The following ANTXR2 variants were observed in gnomAD, a reference collection of about 807,000 sequenced individuals.
ANTXR2 encodes anthrax toxin receptor 2.
ANTXR2 carries 44 observed loss-of-function variants against 73.7 expected under a neutral mutation model. The ratio of observed to expected loss-of-function variants is 0.60; its 90% CI spans 0.47 to 0.77. The LOEUF (loss-of-function observed/expected upper bound fraction) is 0.77, where lower values mean the gene tolerates loss of function less well. Among genes scored for constraint, ANTXR2 ranks in the 30% least tolerant of loss-of-function variants. The pLI is 0.00. For synonymous variants in ANTXR2, 217 were observed against 205.9 expected, an observed-to-expected ratio of 1.05 and a Z score of -0.46; for missense variants, 604 against 592.5, an observed-to-expected ratio of 1.02 and a Z score of -0.20.
At chr4:80,038,327 A>G (rs1422286418) in intron 7 of ANTXR2, among the ~76,000 whole-genome samples, 2 of 152,226 alleles carry the variant, frequency 1.3e-5, no homozygotes, top group East Asian at 1.9e-4. Flanking sequence ...ATTTGATCCA[A>G]TCCATCAAAA....
intron 16 of ANTXR2, among the ~76,000 whole-genome samples, chr4:79,909,227 A>C (rs7669942): frequency 0.022 from 3,401 of 152,252 alleles, 111 homozygotes; most frequent in African/African-American, 0.079. Flanking sequence ...AAAAAGTAAT[A>C]GTTTTCTCTT....
chr4:80,008,583 C>A lies in ANTXR2; in HGVS notation c.979G>T (p.Val327Leu). The stretch of plus-strand genomic sequence containing the variant: ...CCGATCCCCAGGAGTAGCAGTAACA[C>A]CAAAATAACAATGATGGCTGCGATC... The part of the protein sequence containing the change: ...NGIAAIIVIL[V>L]LLLLLGIGLM... The change falls in exon 12 of 17, where the codon GTG becomes TTG. Residue 327 changes from valine to leucine, a missense_variant. Coordinates refer to ENST00000403729, the MANE Select transcript of ANTXR2 (RefSeq NM_058172.6). 2 of 1,605,696 alleles carry A rather than the reference C, an allele frequency of 1.2e-6. No homozygotes were observed. The highest frequency in any genetic ancestry group is 1.7e-6 in the Non-Finnish European group (2 of 1,176,910).
At chr4:79,936,990 T>C (rs1728290201) in intron 16 of ANTXR2, among the ~76,000 whole-genome samples, 4 of 152,186 alleles carry the variant, frequency 2.6e-5, no homozygotes, top group Admixed American at 2.0e-4. Flanking sequence ...TATGTATTCA[T>C]TCAATCATTT....
chr4:79,909,369 G>C (rs1727036904), intron 16 of ANTXR2, among the ~76,000 whole-genome samples: 1 of 152,122 alleles, frequency 6.6e-6, no homozygotes, highest in East Asian at 1.9e-4. Flanking sequence ...TTTAGTGTGT[G>C]ATGACTAGTA....
chr4:79,965,905 C>CA (rs1285381758), intron 16 of ANTXR2, among the ~76,000 whole-genome samples: 1 of 152,074 alleles, frequency 6.6e-6, no homozygotes, highest in African/African-American at 2.4e-5. Flanking sequence ...TTTCAAAGGG[C>CA]AATGGACATC....
At chr4:79,913,882 T>C (rs766103071) in intron 16 of ANTXR2, among the ~76,000 whole-genome samples, 23 of 152,176 alleles carry the variant, frequency 1.5e-4, no homozygotes, top group African/African-American at 4.8e-4. Flanking sequence ...TCTTTTAAAA[T>C]TGCAATTCAG....
chr4:80,018,882 G>A lies in ANTXR2; in HGVS notation c.945+16C>T, dbSNP rs982407036. The A allele has an allele frequency of 2.0e-6, 3 of 1,495,938 alleles. No individual in the cohort carries two copies. Among genetic ancestry groups the A allele is most frequent in the Non-Finnish European group, 2.7e-6 (3 of 1,118,536 alleles). The allele number at this position is 1,495,938 out of a possible 1,614,324, so 92.7% of individuals were successfully genotyped here. A position where few individuals can be genotyped will look rare whatever the true frequency, so the allele number is the denominator to read the frequency against. On this transcript the variant is annotated intron_variant, in intron 11 of 16. Transcript: ENST00000403729. ...ATTGCTTTTAAAAGATAATCTTTGTGCAAACTTTTACTTACACATTCTGTG... is the reference window on the plus strand; with the variant it reads ...ATTGCTTTTAAAAGATAATCTTTGTACAAACTTTTACTTACACATTCTGTG...
chr4:79,974,575 T>G (rs1025959326), intron 16 of ANTXR2, among the ~76,000 whole-genome samples: 11 of 151,904 alleles, frequency 7.2e-5, no homozygotes, highest in Admixed American at 7.2e-4. Flanking sequence ...GCAACAAGTT[T>G]TACAATTCAT....
intron 16 of ANTXR2, among the ~76,000 whole-genome samples, chr4:79,960,482 A>G (rs930644729): frequency 6.6e-6 from 1 of 152,094 alleles, no homozygotes; most frequent in African/African-American, 2.4e-5. Flanking sequence ...ATGAGTTTGT[A>G]GAAATTATCC....
At chr4:79,977,435 G>C (rs1208140745) in intron 16 of ANTXR2, 186 bp downstream of exon 16, 272 of 1,212,802 alleles carry the variant, frequency 2.2e-4, no homozygotes, top group Non-Finnish European at 2.9e-4. Context: ...TAAAAATGTA[G>C]TTTGAAGATG....
At chr4:79,927,294 C>CCACACACACACACACACACACACA (rs112013307) in intron 16 of ANTXR2, among the ~76,000 whole-genome samples, 2 of 150,216 alleles carry the variant, frequency 1.3e-5, no homozygotes, top group Non-Finnish European at 1.5e-5. Context: ...GGAGCTCTTA[C>CCACACACACACACACACACACACA]CACACACACA....
intron 3 of ANTXR2, among the ~76,000 whole-genome samples, chr4:80,065,823 G>A (rs1413958270): frequency 6.6e-6 from 1 of 152,214 alleles, no homozygotes; most frequent in East Asian, 1.9e-4. Flanking sequence ...ATGAGTGCTA[G>A]AAACAAAATT....
chr4:79,980,937 AAAAAAG>A (rs1203911945), intron 14 of ANTXR2, among the ~76,000 whole-genome samples: 118 of 151,342 alleles, frequency 7.8e-4, no homozygotes, highest in Admixed American at 1.8e-3. Context: ...AAAAAAAAAA[AAAAAAG>A]AGAAGTACCT....
Position 79,984,819 on chromosome 4 carries a change from C to T in ANTXR2, c.1086G>A (p.Glu362=), listed in dbSNP as rs762302349. 2 of 1,607,780 alleles carry T rather than the reference C, an allele frequency of 1.2e-6. No homozygotes were observed. Among genetic ancestry groups the T allele is most frequent in the Non-Finnish European group, 8.5e-7 (1 of 1,176,524 alleles). The change falls in exon 13 of 17, where the codon GAG becomes GAA. Residue 362 remains glutamate (E), a splice_region_variant and synonymous_variant. Coordinates refer to ENST00000403729, the MANE Select transcript of ANTXR2 (RefSeq NM_058172.6). ...ATCAGTTTTTTAGGCACTCACTTAC[C>T]TCTTTTGGTGCAGGGGCGGGTGGTG... ...PPPPPAPAPK[E]EEEEPLPTKK...
intron 7 of ANTXR2, among the ~76,000 whole-genome samples, chr4:80,038,182 A>C (rs1313452476): frequency 2.0e-5 from 3 of 152,150 alleles, no homozygotes; most frequent in Non-Finnish European, 4.4e-5. Context: ...ATCATGTCAA[A>C]AAACATGCAT....
At chr4:80,002,540 A>G (rs1307085165) in intron 12 of ANTXR2, among the ~76,000 whole-genome samples, 8 of 152,278 alleles carry the variant, frequency 5.3e-5, no homozygotes, top group Admixed American at 3.9e-4. Context: ...CAATGGCAAC[A>G]AAAGCCAAAA....
intron 16 of ANTXR2, among the ~76,000 whole-genome samples, chr4:79,954,995 A>G (rs925698724): frequency 6.6e-6 from 1 of 152,210 alleles, no homozygotes; most frequent in Non-Finnish European, 1.5e-5. Flanking sequence ...ATATGTGTTT[A>G]ATGACAAGAA....
intron 10 of ANTXR2, among the ~76,000 whole-genome samples, chr4:80,030,000 AGAGAT>A (rs1732613693): frequency 6.6e-6 from 1 of 151,988 alleles, no homozygotes; most frequent in East Asian, 1.9e-4. Context: ...TCTTAAGTGA[AGAGAT>A]GACATAAAAT....
intron 16 of ANTXR2, among the ~76,000 whole-genome samples, chr4:79,932,088 C>A (rs978240599): frequency 6.6e-6 from 1 of 151,998 alleles, no homozygotes; most frequent in Non-Finnish European, 1.5e-5. Context: ...TAGAGGTAAA[C>A]CCGACAAAAA....
Sources: allele counts gnomAD v4.1 joint callset (sites outside exome capture counted in the v4.1 genomes callset), GRCh38; gene constraint gnomAD v4.1.1; transcripts MANE v1.5; gene names NCBI Gene and HGNC (gene_info 2026-07-23, HGNC 2026-07-21).